ACBD6: variants seen among roughly 807,000 people sequenced by gnomAD.
The protein encoded by ACBD6 is acyl-CoA binding domain containing 6, also known as acyl-CoA-binding domain-containing protein 6.
In ACBD6, 28 loss-of-function variants were observed where a neutral mutation model predicts 37.2. The ratio of observed to expected loss-of-function variants is 0.75; its 90% CI spans 0.56 to 1.03. ACBD6 has a LOEUF of 1.03. ACBD6 is among the 50% of genes least tolerant of loss of function. ACBD6 has a pLI of 0.00. For missense variants in ACBD6, 340 were observed against 337.4 expected (o/e 1.01, Z -0.06); for synonymous variants, 113 against 126.8 (o/e 0.89, Z 0.73).
At chr1:180,270,436 G>C (rs1478610504) in exon 14 of ACBD6, 1 of 152,220 alleles carries the variant, frequency 6.6e-6, no homozygotes, top group African/African-American at 2.4e-5. Context: ...GTGGAGAAAA[G>C]GGCAGTATGC....
intron 6 of ACBD6, among the ~76,000 whole-genome samples, chr1:180,390,824 T>C (rs1249194657): frequency 6.6e-6 from 1 of 152,068 alleles, no homozygotes; most frequent in African/African-American, 2.4e-5. Context: ...TTAGCAAAAA[T>C]GAACACACTG....
At chr1:180,436,952 T>C (rs1414756364) in intron 3 of ACBD6, among the ~76,000 whole-genome samples, 1 of 152,180 alleles carries the variant, frequency 6.6e-6, no homozygotes, top group African/African-American at 2.4e-5. Context: ...ATCACTTCTA[T>C]TCAAGATGGT....
chr1:180,348,498 G>A (rs1207169273), intron 6 of ACBD6, among the ~76,000 whole-genome samples: 1 of 152,190 alleles, frequency 6.6e-6, no homozygotes, highest in African/African-American at 2.4e-5. Context: ...ATCTAGAGAA[G>A]TTTCAGAATT....
intron 3 of ACBD6, among the ~76,000 whole-genome samples, chr1:180,432,910 T>TAA (rs997501621): frequency 1.4e-5 from 2 of 141,502 alleles, no homozygotes; most frequent in African/African-American, 5.2e-5. Context: ...GAATCAGTAA[T>TAA]AAAAAAAAAA....
At chr1:180,370,831 T>C (rs536973113) in intron 6 of ACBD6, among the ~76,000 whole-genome samples, 1 of 151,832 alleles carries the variant, frequency 6.6e-6, no homozygotes, top group South Asian at 2.1e-4. Flanking sequence ...ACCTATGTTC[T>C]CCAATTTGCC....
chr1:180,376,687 A>T (rs569678177), intron 6 of ACBD6, among the ~76,000 whole-genome samples: 1 of 152,250 alleles, frequency 6.6e-6, no homozygotes, highest in South Asian at 2.1e-4. Context: ...AACAAAGGAG[A>T]CTGGTTACCT....
chr1:180,462,572 T>G (rs2102044382), intron 3 of ACBD6, among the ~76,000 whole-genome samples: 1 of 152,280 alleles, frequency 6.6e-6, no homozygotes, highest in East Asian at 1.9e-4. Flanking sequence ...AGCACCCAGA[T>G]TCATAAAGCA....
chr1:180,432,783 T>C (rs1295573399), intron 3 of ACBD6, among the ~76,000 whole-genome samples: 2 of 151,872 alleles, frequency 1.3e-5, no homozygotes, highest in East Asian at 1.9e-4. Context: ...AACAATTACA[T>C]GCCAAAAAAC....
At chr1:180,389,484 C>T (rs571222909) in intron 6 of ACBD6, among the ~76,000 whole-genome samples, 1 of 152,152 alleles carries the variant, frequency 6.6e-6, no homozygotes, top group Admixed American at 6.5e-5. Context: ...GTCTTTATAG[C>T]AGCATGATTT....
intron 6 of ACBD6, among the ~76,000 whole-genome samples, chr1:180,378,043 T>C (rs913081032): frequency 1.3e-5 from 2 of 151,830 alleles, no homozygotes; most frequent in African/African-American, 4.8e-5. Flanking sequence ...CTCCACCCCA[T>C]ATTTATTAAC....
At chr1:180,433,272 A>G (rs1648881718) in intron 3 of ACBD6, among the ~76,000 whole-genome samples, 1 of 152,230 alleles carries the variant, frequency 6.6e-6, no homozygotes, top group African/African-American at 2.4e-5. Flanking sequence ...GCATATTAAT[A>G]CAATGAAGGA....
chr1:180,285,219 G>C (rs1204243132), downstream of ACBD6, among the ~76,000 whole-genome samples: 1 of 152,074 alleles, frequency 6.6e-6, no homozygotes, highest in Non-Finnish European at 1.5e-5. Flanking sequence ...AGAAACATAA[G>C]TTTATGTATC....
chr1:180,293,885 G>A (rs72713000), intron 7 of ACBD6, among the ~76,000 whole-genome samples: 23,932 of 151,382 alleles, frequency 0.16, 1,934 homozygotes, highest in Middle Eastern at 0.22. Flanking sequence ...GGGACTAAAG[G>A]CATGCACTTC....
At position 180,414,994 on chromosome 1, in the gene ACBD6, G is replaced by A. The variant is rs539501117; in HGVS notation, c.468-1523C>T. Reference sequence around the variant, plus strand: ...CGGGAGGCTGAGGCATCAGAATGGCGTGAACCCGGGAGGCAGAGCTTGCAG... The same window carrying A: ...CGGGAGGCTGAGGCATCAGAATGGCATGAACCCGGGAGGCAGAGCTTGCAG... On this transcript the variant is annotated intron_variant, in intron 4 of 7. Transcript: ENST00000367595. Among the ~76,000 whole-genome samples, 19 of 151,960 alleles carry A rather than the reference G, an allele frequency of 1.3e-4. No homozygotes were observed. The East Asian group carries it at 2.1e-3, about 17-fold the overall frequency.
chr1:180,339,690 G>C (rs1055213313), intron 6 of ACBD6, among the ~76,000 whole-genome samples: 4 of 151,876 alleles, frequency 2.6e-5, no homozygotes, highest in Non-Finnish European at 5.9e-5. Flanking sequence ...ATTAAAAAAA[G>C]AAAAAAAGAA....
chr1:180,341,340 T>C (rs897460718), intron 6 of ACBD6, among the ~76,000 whole-genome samples: 41 of 152,232 alleles, frequency 2.7e-4, no homozygotes, highest in African/African-American at 9.6e-4. Context: ...ATATTAATAA[T>C]AAAGTAGGTT....
At chr1:180,369,285 C>A (rs1432387198) in intron 6 of ACBD6, among the ~76,000 whole-genome samples, 1 of 152,184 alleles carries the variant, frequency 6.6e-6, no homozygotes, top group African/African-American at 2.4e-5. Context: ...GCAACACACT[C>A]CCTCACCTTT....
At chr1:180,316,884 G>A (rs768252927) in intron 6 of ACBD6, among the ~76,000 whole-genome samples, 2 of 152,128 alleles carry the variant, frequency 1.3e-5, no homozygotes, top group Non-Finnish European at 2.9e-5. Flanking sequence ...TGATGAGTAC[G>A]CTGGAAAACA....
In ACBD6 at chr1:180,328,799, A is replaced by T. The variant is rs188094987; in HGVS notation, c.664-14077T>A. ...TCTGTGACTCTATAATAGATGATTA[A>T]TCTGACAATTTAGAAGCTTGCAAAT... On this transcript the variant is annotated intron_variant, in intron 6 of 7. Coordinates refer to ENST00000367595, the MANE Select transcript of ACBD6 (RefSeq NM_032360.4). Among the ~76,000 whole-genome samples, 590 of 152,156 alleles carry T rather than the reference A, an allele frequency of 3.9e-3. 5 individuals carry two copies. Among genetic ancestry groups the T allele is most frequent in the African/African-American group, 0.013 (560 of 41,518 alleles).
Sources: allele counts gnomAD v4.1 joint callset (sites outside exome capture counted in the v4.1 genomes callset), GRCh38; gene constraint gnomAD v4.1.1; transcripts MANE v1.5; gene names NCBI Gene and HGNC (gene_info 2026-07-23, HGNC 2026-07-21).